DENND1B: variants seen among roughly 807,000 people sequenced by gnomAD.
DENND1B encodes the protein DENN domain containing 1B.
In DENND1B, 59 loss-of-function variants were observed where a neutral mutation model predicts 90.1. That is an observed-to-expected ratio of 0.65 (90% CI 0.53 to 0.81). The LOEUF is 0.81. Ranked by LOEUF, DENND1B falls within the 40% of genes least tolerant of loss-of-function variation. DENND1B has a pLI of 0.00. For synonymous variants in DENND1B, 337 were observed against 324.6 expected, an observed-to-expected ratio of 1.04 and a Z score of -0.41; for missense variants, 862 against 912.6, an observed-to-expected ratio of 0.94 and a Z score of 0.71.
intron 2 of DENND1B, among the ~76,000 whole-genome samples, chr1:197,745,620 A>T (rs200117097): frequency 0.48 from 45,780 of 96,042 alleles, 8,385 homozygotes; most frequent in East Asian, 0.71. Context: ...TATATATTAT[A>T]TATATATATA....
At chr1:197,757,238 G>A (rs1489493066) in intron 2 of DENND1B, 1 of 152,116 alleles carries the variant, frequency 6.6e-6, no homozygotes, top group Non-Finnish European at 1.5e-5. Flanking sequence ...GGCTCAGAGT[G>A]GTTCAACTGG....
At chr1:197,707,882 G>A (rs1382673766) in intron 3 of DENND1B, among the ~76,000 whole-genome samples, 4 of 149,594 alleles carry the variant, frequency 2.7e-5, no homozygotes, top group Non-Finnish European at 3.0e-5. Flanking sequence ...CACCGTGCGC[G>A]AGCCGAAGCA....
intron 15 of DENND1B, among the ~76,000 whole-genome samples, chr1:197,578,117 A>G (rs1055750702): frequency 5.3e-5 from 8 of 152,212 alleles, no homozygotes; most frequent in Admixed American, 5.2e-4. Flanking sequence ...CAAAGGATAC[A>G]AAGTTTCAGT....
intron 2 of DENND1B, among the ~76,000 whole-genome samples, chr1:197,754,566 G>A (rs1654005070): frequency 6.9e-6 from 1 of 145,730 alleles, no homozygotes; most frequent in Admixed American, 7.1e-5. Context: ...GCTGAGGAAT[G>A]AGAACCACTT....
At chr1:197,536,534 T>C (rs1669919091) in intron 20 of DENND1B, among the ~76,000 whole-genome samples, 1 of 152,150 alleles carries the variant, frequency 6.6e-6, no homozygotes, top group African/African-American at 2.4e-5. Context: ...CAAGATAGCA[T>C]GGACTCTGGA....
intron 20 of DENND1B, among the ~76,000 whole-genome samples, chr1:197,527,904 A>G: frequency 6.6e-6 from 1 of 152,176 alleles, no homozygotes; most frequent in Non-Finnish European, 1.5e-5. Flanking sequence ...CCAGTAAGGC[A>G]AACTATTCAA....
At chr1:197,621,730 A>G (rs925295860) in intron 10 of DENND1B, among the ~76,000 whole-genome samples, 3 of 151,312 alleles carry the variant, frequency 2.0e-5, no homozygotes, top group Admixed American at 6.6e-5. Flanking sequence ...GAAAGCAGAG[A>G]AAAGGGTAAA....
At chr1:197,662,877 C>A (rs1211581994) in intron 5 of DENND1B, among the ~76,000 whole-genome samples, 1 of 151,994 alleles carries the variant, frequency 6.6e-6, no homozygotes, top group Non-Finnish European at 1.5e-5. Flanking sequence ...CAGAGCATTA[C>A]CTTTATGACT....
intron 2 of DENND1B, among the ~76,000 whole-genome samples, chr1:197,765,937 T>C (rs906958479): frequency 2.0e-5 from 3 of 152,242 alleles, no homozygotes; most frequent in Non-Finnish European, 4.4e-5. Flanking sequence ...TGCAGGCAGC[T>C]ATGTGAAGGA....
At chr1:197,596,317 G>A (rs1301564968) in intron 13 of DENND1B, among the ~76,000 whole-genome samples, 2 of 151,870 alleles carry the variant, frequency 1.3e-5, no homozygotes, top group Non-Finnish European at 1.5e-5. Context: ...TTAAGGAGGA[G>A]GAGATATAAA....
At chr1:197,539,285 C>T (rs949556037) in intron 20 of DENND1B, among the ~76,000 whole-genome samples, 1 of 152,146 alleles carries the variant, frequency 6.6e-6, no homozygotes, top group African/African-American at 2.4e-5. Flanking sequence ...GCTTTGCAGC[C>T]ACTTCCAGTT....
intron 10 of DENND1B, among the ~76,000 whole-genome samples, chr1:197,637,505 TAA>T (rs966041996): frequency 2.0e-5 from 3 of 152,170 alleles, no homozygotes; most frequent in Admixed American, 2.0e-4. Flanking sequence ...AGTTGGAAGA[TAA>T]AAACACCTCT....
intron 3 of DENND1B, among the ~76,000 whole-genome samples, chr1:197,683,813 T>A (rs1656942261): frequency 6.6e-6 from 1 of 152,328 alleles, no homozygotes; most frequent in East Asian, 1.9e-4. Context: ...TAGGTTTTAA[T>A]GTGTTCAACC....
intron 10 of DENND1B, among the ~76,000 whole-genome samples, chr1:197,626,266 T>A (rs1572109470): frequency 6.6e-6 from 1 of 152,244 alleles, no homozygotes; most frequent in South Asian, 2.1e-4. Context: ...GACCACATAG[T>A]TGGAAGTAAA....
At chr1:197,696,129 C>G (rs1440149871) in intron 3 of DENND1B, among the ~76,000 whole-genome samples, 1 of 151,180 alleles carries the variant, frequency 6.6e-6, no homozygotes, top group African/African-American at 2.4e-5. Context: ...GTATATAGTA[C>G]TGAGTAGACT....
chr1:197,768,346 C>A (rs962893579), intron 2 of DENND1B, among the ~76,000 whole-genome samples: 2 of 152,004 alleles, frequency 1.3e-5, no homozygotes, highest in Non-Finnish European at 2.9e-5. Context: ...GCTAGAGTAC[C>A]AAGGCCACTT....
intron 15 of DENND1B, among the ~76,000 whole-genome samples, chr1:197,582,860 C>T: frequency 6.6e-6 from 1 of 152,074 alleles, no homozygotes; most frequent in East Asian, 1.9e-4. Flanking sequence ...TTCTAAGATG[C>T]CTTGTATAAG....
rs1377715672 is a variant in DENND1B, at chr1:197,506,199, A to G, written c.*4261T>C. 1.3e-5 allele frequency: 2 copies of G among 151,672 alleles called. No homozygotes were observed. Among genetic ancestry groups the G allele is most frequent in the Non-Finnish European group, 3.0e-5 (2 of 67,694 alleles). 9.4% of individuals were successfully genotyped at this position (151,672 alleles called of 1,614,324 possible). On this transcript the variant is annotated 3_prime_UTR_variant, in exon 23 of 23. Transcript: ENST00000620048. ...TAAGTTATGCAAGAAAAATTATTGC[A>G]CGAAATCCTATTTTCAAAATAAAAT...
At chr1:197,706,444 C>T (rs1218425216) in intron 3 of DENND1B, among the ~76,000 whole-genome samples, 2 of 152,108 alleles carry the variant, frequency 1.3e-5, no homozygotes, top group African/African-American at 4.8e-5. Context: ...TTATATCAAA[C>T]TAAAAAGCTT....
Sources: gnomAD v4.1 joint callset for allele counts (sites outside exome capture counted in the v4.1 genomes callset) on GRCh38, gnomAD v4.1.1 for gene constraint, MANE v1.5 for transcripts, NCBI Gene and HGNC (gene_info 2026-07-23, HGNC 2026-07-21) for gene names.